PRR7: variants seen among roughly 807,000 people sequenced by gnomAD.
PRR7 encodes the protein proline rich 7, synaptic.
PRR7 carries 8 observed loss-of-function variants against 18.5 expected under a neutral mutation model. That is an observed-to-expected ratio of 0.43 (90% confidence interval 0.25 to 0.78). The LOEUF (loss-of-function observed/expected upper bound fraction) is 0.78. PRR7 is among the 30% of genes least tolerant of loss of function. The pLI is 0.22. For synonymous variants in PRR7, 221 were observed against 187.7 expected, an observed-to-expected ratio of 1.18 and a Z score of -1.45; for missense variants, 396 against 403.1, an observed-to-expected ratio of 0.98 and a Z score of 0.15.
chr5:177,453,085 C>T (rs1276054063), intron 1 of PRR7, among the ~76,000 whole-genome samples: 1 of 152,208 alleles, frequency 6.6e-6, no homozygotes, highest in Non-Finnish European at 1.5e-5. Context: ...CAAGTCATTC[C>T]CCTCTCTGAG....
Position 177,454,870 on chromosome 5 carries a change from G to A in PRR7, c.-198G>A. 2 of 638,718 alleles carry A rather than the reference G, an allele frequency of 3.1e-6. No homozygotes were observed. Among genetic ancestry groups the A allele is most frequent in the Non-Finnish European group, 4.3e-6 (2 of 462,344 alleles). 39.6% of individuals were successfully genotyped at this position (638,718 alleles called of 1,614,324 possible). On this transcript the variant is annotated 5_prime_UTR_variant, in exon 3 of 4. Coordinates refer to ENST00000323249, the MANE Select transcript of PRR7 (RefSeq NM_030567.5). This position sits in a 1 kb window ranked among gnomAD's most constrained non-coding sequence, Gnocchi z 4.7. ...GGTGAGGCACGCCCGCGCGCCCGCCGGCGCCATGGGAAGGAGCGGGCGCCG... is the reference window on the plus strand; with the variant it reads ...GGTGAGGCACGCCCGCGCGCCCGCCAGCGCCATGGGAAGGAGCGGGCGCCG...
Position 177,454,888 on chromosome 5 carries a change from G to A in PRR7, c.-180G>A. ...GCCCGCCGGCGCCATGGGAAGGAGC[G>A]GGCGCCGCTGCTGTCCCCCGCCGGC... On this transcript the variant is annotated 5_prime_UTR_variant, in exon 3 of 4. Coordinates refer to ENST00000323249, the MANE Select transcript of PRR7 (RefSeq NM_030567.5). The surrounding 1 kb of genome is among the most constrained non-coding windows in gnomAD (Gnocchi z 4.7). 1.2e-6 allele frequency: 1 copy of A among 806,668 alleles called. No homozygotes were observed. The highest frequency in any genetic ancestry group is 1.6e-6 in the Non-Finnish European group (1 of 608,788). 50.0% of individuals were successfully genotyped at this position (806,668 alleles called of 1,614,324 possible). A position where few individuals can be genotyped will look rare whatever the true frequency, so the allele number is the denominator to read the frequency against.
rs1373354649 is a variant in PRR7, at chr5:177,454,475, C to T, written c.-239-354C>T. Among the ~76,000 whole-genome samples, 1 of 152,196 alleles carries T rather than the reference C, an allele frequency of 6.6e-6. No homozygotes were observed. Among genetic ancestry groups the T allele is most frequent in the Non-Finnish European group, 1.5e-5 (1 of 68,018 alleles). On this transcript the variant is annotated intron_variant, in intron 2 of 3. Transcript: ENST00000323249. This position sits in a 1 kb window ranked among gnomAD's most constrained non-coding sequence, Gnocchi z 4.7. ...CAGCAACGGCGCCGAGACGCCTCTT[C>T]AGGGACCTGGTGCGCACAGGCTCCT...
Position 177,454,715 on chromosome 5 carries a change from G to A in PRR7, c.-239-114G>A, listed in dbSNP as rs907349255. On this transcript the variant is annotated intron_variant, in intron 2 of 3. Transcript: ENST00000323249. The surrounding 1 kb of genome is among the most constrained non-coding windows in gnomAD (Gnocchi z 4.7). ...GGTGACGTCACCGGGCCCCCGGGGA[G>A]CGCGAGGTTCCCACGGAGGAGGCTT... The A allele has an allele frequency of 3.2e-5, 5 of 155,334 alleles. No individual in the cohort carries two copies. Among genetic ancestry groups the A allele is most frequent in the African/African-American group, 1.2e-4 (5 of 41,582 alleles). 9.6% of individuals were successfully genotyped at this position (155,334 alleles called of 1,614,324 possible).
intron 1 of PRR7, among the ~76,000 whole-genome samples, chr5:177,451,330 G>A (rs1432911284): frequency 6.6e-6 from 1 of 151,982 alleles, no homozygotes; most frequent in African/African-American, 2.4e-5. Context: ...CTGCTTCGGA[G>A]AGTGAGTGTG....
chr5:177,455,085 C>A lies in PRR7; in HGVS notation c.18C>A (p.Gly6=). 1 of 1,487,826 alleles carries A rather than the reference C, an allele frequency of 6.7e-7. No homozygotes were observed. The highest frequency in any genetic ancestry group is 1.3e-5 in the South Asian group (1 of 75,952). 92.2% of individuals were successfully genotyped at this position (1,487,826 alleles called of 1,614,324 possible). A position where few individuals can be genotyped will look rare whatever the true frequency, so the allele number is the denominator to read the frequency against. ...CCGCCGCCATGGTGATGTCCCAGGG[C>A]ACCTACACGTTCCTCACGTGCTTCG... is the stretch of plus-strand genomic sequence containing the variant. The part of the protein sequence containing the change: MVMSQ[G]TYTFLTCFAG... Residue 6 remains glycine (G), a synonymous_variant, in exon 3 of 4, where the codon GGC becomes GGA. Coordinates refer to ENST00000323249, the MANE Select transcript of PRR7 (RefSeq NM_030567.5). The surrounding 1 kb of genome is among the most constrained non-coding windows in gnomAD (Gnocchi z 6.9).
Position 177,455,582 on chromosome 5 carries a change from A to G in PRR7, c.427+88A>G, listed in dbSNP as rs189624789. 2.1e-6 allele frequency: 3 copies of G among 1,408,640 alleles called. No homozygotes were observed. The highest frequency in any genetic ancestry group is 3.0e-5 in the African/African-American group (2 of 66,006). 87.3% of individuals were successfully genotyped at this position (1,408,640 alleles called of 1,614,324 possible). The stretch of plus-strand genomic sequence containing the variant: ...CTCGCTGCTTACCCTCAGGGCTTCC[A>G]TCCGCAGCCTCCGGGAGAACACGGG... On this transcript the variant is annotated intron_variant, in intron 3 of 3. Transcript: ENST00000323249. This position sits in a 1 kb window ranked among gnomAD's most constrained non-coding sequence, Gnocchi z 6.9.
In PRR7 at chr5:177,455,621, G is replaced by A. The variant is rs1274023657; in HGVS notation, c.428-103G>A. 33 of 1,400,684 alleles carry A rather than the reference G, an allele frequency of 2.4e-5. No homozygotes were observed. In the East Asian group the frequency reaches 5.5e-4, roughly 24 times the overall value. 86.8% of individuals were successfully genotyped at this position (1,400,684 alleles called of 1,614,324 possible). A position where few individuals can be genotyped will look rare whatever the true frequency, so the allele number is the denominator to read the frequency against. ...GGAGAACACGGGCGGCGGCGGGCTCGGGTTCGGGCTAGGGCTGGGGCGCGG... is the reference window on the plus strand; with the variant it reads ...GGAGAACACGGGCGGCGGCGGGCTCAGGTTCGGGCTAGGGCTGGGGCGCGG... On this transcript the variant is annotated intron_variant, in intron 3 of 3. Coordinates refer to ENST00000323249, the MANE Select transcript of PRR7 (RefSeq NM_030567.5). The surrounding 1 kb of genome is among the most constrained non-coding windows in gnomAD (Gnocchi z 6.9).
At position 177,454,217 on chromosome 5, in the gene PRR7, C is replaced by T. The variant is rs1431876765; in HGVS notation, c.-240+177C>T. On this transcript the variant is annotated intron_variant, in intron 2 of 3. Coordinates refer to ENST00000323249, the MANE Select transcript of PRR7 (RefSeq NM_030567.5). The surrounding 1 kb of genome is among the most constrained non-coding windows in gnomAD (Gnocchi z 4.7). ...CCTGGAGGAAAGGAAGAGAGTGTGG[C>T]CCACGCCCGGCGCGGCGCGCTAGGC... 6.6e-6 allele frequency among the ~76,000 whole-genome samples: 1 copy of T among 152,234 alleles called. No homozygotes were observed. Among genetic ancestry groups the T allele is most frequent in the Non-Finnish European group, 1.5e-5 (1 of 68,034 alleles).
intron 1 of PRR7, 133 bp from the exon 2 acceptor site, chr5:177,453,823 C>T (rs951591736): frequency 3.9e-5 from 6 of 152,266 alleles, no homozygotes; most frequent in African/African-American, 1.4e-4. Context: ...TTCCAGTTAC[C>T]CCAAAGGCTT....
intron 1 of PRR7, among the ~76,000 whole-genome samples, chr5:177,447,911 G>A (rs920216292): frequency 6.6e-6 from 1 of 152,236 alleles, no homozygotes; most frequent in African/African-American, 2.4e-5. Flanking sequence ...ACTGTACTGA[G>A]TAGCATGCAG....
Position 177,455,220 on chromosome 5 carries a change from G to T in PRR7, c.153G>T (p.Leu51=). Residue 51 remains leucine, a synonymous_variant, in exon 3 of 4, where the codon CTG becomes CTT. Coordinates refer to ENST00000323249, the MANE Select transcript of PRR7 (RefSeq NM_030567.5). This position sits in a 1 kb window ranked among gnomAD's most constrained non-coding sequence, Gnocchi z 6.9. ...AGGAGCGACTGCGCGAGCAGAACCTGCGCGCCCTAGAGCTGGAGCCCCTCG... is the reference window on the plus strand; with the variant it reads ...AGGAGCGACTGCGCGAGCAGAACCTTCGCGCCCTAGAGCTGGAGCCCCTCG... ...RQEERLREQN[L]RALELEPLEL... The T allele has an allele frequency of 6.4e-7, 1 of 1,568,706 alleles. No homozygotes were observed.
Position 177,455,159 on chromosome 5 carries a change from G to A in PRR7, c.92G>A (p.Cys31Tyr). 1.3e-6 allele frequency: 2 copies of A among 1,575,698 alleles called. No homozygotes were observed. The highest frequency in any genetic ancestry group is 1.8e-5 in the Admixed American group (1 of 55,632). ...CTCATCGTCCTGCTCTGCTGCTTCT[G>A]CAGCTTCCTGCGCCGCCGCCTCAAA... is the stretch of plus-strand genomic sequence containing the variant. ...WGLIVLLCCFCSFLRRRLKRR... is the reference protein window; with the variant it reads ...WGLIVLLCCFYSFLRRRLKRR... The change falls in exon 3 of 4, where the codon TGC becomes TAC. Residue 31 changes from cysteine (C) to tyrosine (Y), a missense_variant. By Grantham distance (194) the Cys-to-Tyr change is radical. Transcript: ENST00000323249. This position sits in a 1 kb window ranked among gnomAD's most constrained non-coding sequence, Gnocchi z 6.9.
chr5:177,453,644 G>C (rs1176812514), intron 1 of PRR7, among the ~76,000 whole-genome samples: 1 of 152,108 alleles, frequency 6.6e-6, no homozygotes, highest in East Asian at 1.9e-4. Context: ...GGAGGGTAGG[G>C]TCCGTGGGGC....
chr5:177,449,186 A>T lies in PRR7; in HGVS notation c.-325+2226A>T, dbSNP rs1756065688. ...TGTGAACATGGATTGTTTTTAAAAC[A>T]TGTCTGAGAACTGTGTCCAACCTAA... On this transcript the variant is annotated intron_variant, in intron 1 of 3. Coordinates refer to ENST00000323249, the MANE Select transcript of PRR7 (RefSeq NM_030567.5). The surrounding 1 kb of genome is among the most constrained non-coding windows in gnomAD (Gnocchi z 4.2). 6.6e-6 allele frequency among the ~76,000 whole-genome samples: 1 copy of T among 152,270 alleles called. No individual in the cohort carries two copies. Among genetic ancestry groups the T allele is most frequent in the African/African-American group, 2.4e-5 (1 of 41,478 alleles).
rs971392820 is a variant in PRR7, at chr5:177,456,263, G to C, written c.*142G>C. On this transcript the variant is annotated 3_prime_UTR_variant, in exon 4 of 4. Coordinates refer to ENST00000323249, the MANE Select transcript of PRR7 (RefSeq NM_030567.5). ...TTTGTTACATTTTGAGGATAATAAA[G>C]GTGTGTGATCTGGTTTGGTACAAGC... 2.4e-5 allele frequency: 27 copies of C among 1,136,024 alleles called. No individual in the cohort carries two copies. The highest frequency in any genetic ancestry group is 3.0e-5 in the Non-Finnish European group (25 of 846,892). The allele number at this position is 1,136,024 out of a possible 1,614,324, so 70.4% of individuals were successfully genotyped here. A position where few individuals can be genotyped will look rare whatever the true frequency, so the allele number is the denominator to read the frequency against.
intron 1 of PRR7, among the ~76,000 whole-genome samples, chr5:177,453,213 CCCCAGAGTTACCTTTTCTGA>C (rs1756240139): frequency 6.6e-6 from 1 of 152,222 alleles, no homozygotes; most frequent in Non-Finnish European, 1.5e-5. Flanking sequence ...TCACCTCCAG[CCCCAGAGTTACCTTTTCTGA>C]CCCAGAGCTG....
At chr5:177,451,244 G>A (rs1756157464) in intron 1 of PRR7, among the ~76,000 whole-genome samples, 1 of 152,234 alleles carries the variant, frequency 6.6e-6, no homozygotes, top group Non-Finnish European at 1.5e-5. Flanking sequence ...CCAGGCCCTG[G>A]CTCTGTGTGC....
chr5:177,455,112 C>T lies in PRR7; in HGVS notation c.45C>T (p.Ala15=). The T allele has an allele frequency of 4.6e-6, 7 of 1,516,580 alleles. No homozygotes were observed. Among genetic ancestry groups the T allele is most frequent in the African/African-American group, 1.5e-5 (1 of 68,912 alleles). 93.9% of individuals were successfully genotyped at this position (1,516,580 alleles called of 1,614,324 possible). The change falls in exon 3 of 4, where the codon GCC becomes GCT. Residue 15 remains alanine (A), a synonymous_variant. Coordinates refer to ENST00000323249, the MANE Select transcript of PRR7 (RefSeq NM_030567.5). The surrounding 1 kb of genome is among the most constrained non-coding windows in gnomAD (Gnocchi z 6.9). ...QGTYTFLTCF[A]GFWLIWGLIV... ...CCTACACGTTCCTCACGTGCTTCGC[C>T]GGCTTCTGGCTCATCTGGGGTCTCA...
Sources: allele counts gnomAD v4.1 joint callset (sites outside exome capture counted in the v4.1 genomes callset), GRCh38; gene constraint gnomAD v4.1.1; non-coding constraint Gnocchi (gnomAD v3.1); transcripts MANE v1.5; gene names NCBI Gene and HGNC (gene_info 2026-07-23, HGNC 2026-07-21).